The following AVIL variants were observed in gnomAD, a reference collection of about 807,000 sequenced individuals.
AVIL encodes the protein advillin.
AVIL carries 78 observed loss-of-function variants against 109.9 expected under a neutral mutation model. The ratio of observed to expected loss-of-function variants is 0.71; its 90% CI spans 0.59 to 0.86. AVIL has a LOEUF of 0.86. Ranked by LOEUF, AVIL falls within the 40% of genes least tolerant of loss-of-function variation. The pLI, the probability that AVIL is intolerant of heterozygous loss-of-function variation, is 0.00. For missense variants in AVIL, 892 were observed against 1,016.5 expected (o/e 0.88, Z 1.67); for synonymous variants, 367 against 379.1 (o/e 0.97, Z 0.37).
At chr12:57,814,339 G>C in intron 2 of AVIL, 113 bp from the exon 3 acceptor site, 1 of 1,061,334 alleles carries the variant, frequency 9.4e-7, no homozygotes, top group Non-Finnish European at 1.4e-6. Flanking sequence ...GAGGGGAGAT[G>C]TTCTCAATGA....
Position 57,815,989 on chromosome 12 carries a change from C to T in AVIL, c.52G>A (p.Val18Ile), listed in dbSNP as rs753181730. ...GCCCAGCTCACCTCTATTCTCCAGA[C>T]AATGATCCCAGGGTCGTTGTCCACA... ...RAVDNDPGIIVWRIEKMELAL... is the reference protein window; with the variant it reads ...RAVDNDPGIIIWRIEKMELAL... Residue 18 changes from valine (V) to isoleucine (I), a missense_variant, in exon 2 of 20, where the codon GTC (valine) becomes ATC (isoleucine). By Grantham distance (29) the Val-to-Ile change is conservative. Coordinates refer to ENST00000549994, the MANE Select transcript of AVIL (RefSeq NM_006576.4). The T allele has an allele frequency of 5.8e-5, 93 of 1,614,116 alleles. No individual in the cohort carries two copies. Among genetic ancestry groups the T allele is most frequent in the Admixed American group, 1.5e-4 (9 of 60,012 alleles).
chr12:57,798,688 C>T (rs889495263), intron 19 of AVIL, among the ~76,000 whole-genome samples: 5 of 151,416 alleles, frequency 3.3e-5, no homozygotes, highest in African/African-American at 1.2e-4. Flanking sequence ...ACAATCTCGG[C>T]TCACTGCAAC....
At position 57,799,874 on chromosome 12, in the gene AVIL, G is replaced by A; in HGVS notation, c.2267C>T (p.Pro756Leu). The A allele has an allele frequency of 6.2e-7, 1 of 1,614,112 alleles. No individual in the cohort carries two copies. The highest frequency in any genetic ancestry group is 1.3e-5 in the African/African-American group (1 of 75,034). ...CAGAACTGCTATAGGGTAATATTTT[G>A]GCTCACTGTCATTAGAATTCAGGGA... ...TLSLNSNDSE[P>L]KYYPIAVLLK... The change falls in exon 19 of 20, where the codon CCA becomes CTA. Residue 756 changes from proline (P) to leucine (L), a missense_variant. By Grantham distance (98) the Pro-to-Leu change is moderately conservative (BLOSUM62 -3). Transcript: ENST00000549994.
rs1251953983 is a variant in AVIL at position 57,806,420 on chromosome 12, T to C, written c.1611A>G (p.Leu537=). ...AVEVPAFASS[L]NSNDVFLLRT... ...GCAGCAGAAAGACATCATTGGAGTTTAGGGAGGAGGCAAAGGCTGGAACTT... is the reference window on the plus strand; with the variant it reads ...GCAGCAGAAAGACATCATTGGAGTTCAGGGAGGAGGCAAAGGCTGGAACTT... The change falls in exon 14 of 20, where the codon CTA becomes CTG. Residue 537 remains leucine, a synonymous_variant. Coordinates refer to ENST00000549994, the MANE Select transcript of AVIL (RefSeq NM_006576.4). 2 of 1,613,958 alleles carry C rather than the reference T, an allele frequency of 1.2e-6. No individual in the cohort carries two copies. The highest frequency in any genetic ancestry group is 2.2e-5 in the East Asian group (1 of 44,888).
In AVIL at chr12:57,797,478, A is replaced by G. The variant is rs58949411; in HGVS notation, c.*404T>C. 13 of 983,086 alleles carry G rather than the reference A, an allele frequency of 1.3e-5. No homozygotes were observed. The South Asian group carries it at 1.9e-4, about 14-fold the overall frequency. The allele number at this position is 983,086 out of a possible 1,614,324, so 60.9% of individuals were successfully genotyped here. On this transcript the variant is annotated 3_prime_UTR_variant, in exon 20 of 20. Transcript: ENST00000549994. ...CCTATGGAGTGCATATATGATTTCAATGATTTACAGGCTAAATAGATTTTA... is the reference window on the plus strand; with the variant it reads ...CCTATGGAGTGCATATATGATTTCAGTGATTTACAGGCTAAATAGATTTTA...
Position 57,813,367 on chromosome 12 carries a change from G to T in AVIL, c.198C>A (p.Asp66Glu). The change falls in exon 4 of 20, where the codon GAC (aspartate) becomes GAA (glutamate). Residue 66 changes from aspartate to glutamate, a missense_variant. Physicochemically the swap from Asp to Glu is conservative, Grantham distance 45. Transcript: ENST00000549994. ...CGCAGCTTTGCTCATCCTGGGAGGA[G>T]TCCTTCCCGATCCAGAAGTGGATGT... The part of the protein sequence containing the change: ...SQDIHFWIGK[D>E]SSQDEQSCAA... 1 of 1,614,118 alleles carries T rather than the reference G, an allele frequency of 6.2e-7. No individual in the cohort carries two copies. The highest frequency in any genetic ancestry group is 8.5e-7 in the Non-Finnish European group (1 of 1,180,028).
At chr12:57,803,434 G>T (rs763398580) in intron 15 of AVIL, 43 bp from the exon 16 acceptor site, 2 of 1,613,576 alleles carry the variant, frequency 1.2e-6, no homozygotes, top group South Asian at 2.2e-5. Flanking sequence ...GCTTAGAAAT[G>T]TTTTTAAAAC....
intron 13 of AVIL, 154 bp from the exon 14 acceptor site, chr12:57,806,693 T>C (rs1340930094): frequency 2.8e-5 from 21 of 738,822 alleles, no homozygotes; most frequent in Non-Finnish European, 3.0e-5. Flanking sequence ...GCTGGAGTTA[T>C]GTCACCGATA....
chr12:57,808,670 T>A, intron 9 of AVIL, 122 bp from the exon 10 acceptor site: 1 of 1,213,768 alleles, frequency 8.2e-7, no homozygotes, highest in Non-Finnish European at 1.1e-6. Flanking sequence ...GGAGTCAGAG[T>A]CAAATTCTAA....
intron 18 of AVIL, 200 bp from the exon 19 acceptor site, chr12:57,800,120 C>A: frequency 1.5e-6 from 1 of 657,690 alleles, no homozygotes. Context: ...TGGGGTTGTT[C>A]TTGGGAAAGC....
Position 57,811,035 on chromosome 12 carries a change from TTTC to T in AVIL, c.428_430del (p.Arg143del). The stretch of plus-strand genomic sequence containing the variant: ...AGGACTAACCTCGGTAGCCCTGATG[TTTC>T]TTTTCCCTTTCACATGTAGCAGCCG... On this transcript the variant is annotated inframe_deletion, in exon 5 of 20. Transcript: ENST00000549994. 6.2e-7 allele frequency: 1 copy of T among 1,614,184 alleles called. No individual in the cohort carries two copies. The highest frequency in any genetic ancestry group is 8.5e-7 in the Non-Finnish European group (1 of 1,180,024).
chr12:57,803,626 C>T lies in AVIL; in HGVS notation c.1715G>A (p.Ser572Asn), dbSNP rs1048616159. The change falls in exon 15 of 20, where the codon AGC becomes AAC. Residue 572 changes from serine (S) to asparagine (N), a missense_variant. Physicochemically the swap from Ser to Asn is conservative, Grantham distance 46. Transcript: ENST00000549994. Reference protein sequence around the residue: ...DERAMAKELASLLCDGSENTV... With the variant: ...DERAMAKELANLLCDGSENTV... Reference sequence around the variant, plus strand: ...GTTCTCGCTGCCATCACAGAGAAGGCTGGCCAGCTCCTTAGCCATTGCCCG... The same window carrying T: ...GTTCTCGCTGCCATCACAGAGAAGGTTGGCCAGCTCCTTAGCCATTGCCCG... 10 of 1,614,202 alleles carry T rather than the reference C, an allele frequency of 6.2e-6. No individual in the cohort carries two copies. The highest frequency in any genetic ancestry group is 3.3e-5 in the Admixed American group (2 of 60,026).
At chr12:57,803,096 G>T in intron 16 of AVIL, 151 bp downstream of exon 16, 1 of 1,014,104 alleles carries the variant, frequency 9.9e-7, no homozygotes, top group Non-Finnish European at 1.4e-6. Context: ...AAAAACCCGG[G>T]CTTTCTTTTG....
At chr12:57,804,799 ACT>A (rs1955917070) in intron 14 of AVIL, among the ~76,000 whole-genome samples, 2 of 148,774 alleles carry the variant, frequency 1.3e-5, no homozygotes, top group Admixed American at 6.8e-5. Context: ...ACAGAATGAG[ACT>A]CTGTCTCAAA....
At chr12:57,806,294 C>CAA (rs1565832990) in intron 14 of AVIL, 66 bp downstream of exon 14, 1 of 1,575,280 alleles carries the variant, frequency 6.3e-7, no homozygotes, top group Admixed American at 1.7e-5. Context: ...ACCTTGCTGA[C>CAA]AGGAGGAGGG....
At chr12:57,806,228 C>T (rs747680964) in intron 14 of AVIL, 132 bp downstream of exon 14, 19 of 871,776 alleles carry the variant, frequency 2.2e-5, no homozygotes, top group Non-Finnish European at 3.0e-5. Flanking sequence ...TGTATCATTC[C>T]AGTTTTAGTA....
intron 5 of AVIL, 31 bp from the exon 6 acceptor site, chr12:57,810,957 G>A (rs764470791): frequency 6.2e-7 from 1 of 1,613,996 alleles, no homozygotes; most frequent in East Asian, 2.2e-5. Context: ...TTGTTCAGGA[G>A]GAATTCTTAG....
At chr12:57,802,748 TGA>T in intron 16 of AVIL, 1 of 589,048 alleles carries the variant, frequency 1.7e-6, no homozygotes, top group Middle Eastern at 2.6e-4. Flanking sequence ...GGCAGAAGCC[TGA>T]GAGTTTCCTA....
chr12:57,808,509 C>T lies in AVIL; in HGVS notation c.979G>A (p.Val327Met), dbSNP rs1313671522. 6.2e-7 allele frequency: 1 copy of T among 1,614,038 alleles called. No homozygotes were observed. Among genetic ancestry groups the T allele is most frequent in the Non-Finnish European group, 8.5e-7 (1 of 1,180,038 alleles). ...KMKSYPSSTN[V>M]ETVNDGAESA... is the part of the protein sequence containing the mutation. ...TCAGCACCATCGTTGACGGTCTCCA[C>T]ATTGGTGCTGCTGGGGTAGCTCTTC... The change falls in exon 10 of 20, where the codon GTG (valine) becomes ATG (methionine). Residue 327 changes from valine to methionine, a missense_variant. By Grantham distance (21) the Val-to-Met change is conservative. Coordinates refer to ENST00000549994, the MANE Select transcript of AVIL (RefSeq NM_006576.4).
Sources: gnomAD v4.1 joint callset for allele counts (sites outside exome capture counted in the v4.1 genomes callset) on GRCh38, gnomAD v4.1.1 for gene constraint, MANE v1.5 for transcripts, NCBI Gene and HGNC (gene_info 2026-07-23, HGNC 2026-07-21) for gene names.